ST6GAL1: variants seen among roughly 807,000 people sequenced by gnomAD.
ST6GAL1 encodes the protein ST6 beta-galactoside alpha-2,6-sialyltransferase 1.
ST6GAL1 carries 20 observed loss-of-function variants against 38.0 expected under a neutral mutation model. That is an observed-to-expected ratio of 0.53 (90% CI 0.37 to 0.77). The LOEUF (loss-of-function observed/expected upper bound fraction) is 0.77, where lower values mean the gene tolerates loss of function less well. ST6GAL1 is among the 30% of genes least tolerant of loss of function. The pLI is 0.00. For synonymous variants in ST6GAL1, 196 were observed against 188.2 expected (o/e 1.04, Z -0.34); for missense variants, 432 against 496.4 (o/e 0.87, Z 1.23).
chr3:187,026,092 G>A (rs919717914), intron 2 of ST6GAL1, among the ~76,000 whole-genome samples: 22 of 152,218 alleles, frequency 1.4e-4, no homozygotes, highest in African/African-American at 5.3e-4. Flanking sequence ...CAGGCACTGC[G>A]CGCCCCTCAT....
intron 2 of ST6GAL1, among the ~76,000 whole-genome samples, chr3:186,998,306 A>G (rs1716488690): frequency 6.6e-6 from 1 of 152,262 alleles, no homozygotes; most frequent in Non-Finnish European, 1.5e-5. Context: ...CCTGTTAACC[A>G]GAAGCCTTAC....
chr3:186,940,569 C>T (rs1269439168), intron 1 of ST6GAL1, among the ~76,000 whole-genome samples: 2 of 152,236 alleles, frequency 1.3e-5, no homozygotes, highest in East Asian at 1.9e-4. Flanking sequence ...CGTAAACTTT[C>T]TTTAAAAATT....
At chr3:186,997,038 G>A (rs969226857) in intron 2 of ST6GAL1, among the ~76,000 whole-genome samples, 5 of 151,822 alleles carry the variant, frequency 3.3e-5, no homozygotes, top group Non-Finnish European at 5.9e-5. Flanking sequence ...TGTTGGAGGC[G>A]GGCAGGTGGG....
At chr3:187,041,464 G>A (rs577744830) in intron 3 of ST6GAL1, among the ~76,000 whole-genome samples, 1 of 152,356 alleles carries the variant, frequency 6.6e-6, no homozygotes, top group Non-Finnish European at 1.5e-5. Context: ...CATTATTTGA[G>A]TTCAAAGTGC....
chr3:187,032,004 G>A (rs1579340051), intron 2 of ST6GAL1, among the ~76,000 whole-genome samples: 2 of 152,272 alleles, frequency 1.3e-5, no homozygotes, highest in African/African-American at 4.8e-5. Context: ...TGCCAGGATT[G>A]CTAAAGTTTC....
intron 2 of ST6GAL1, among the ~76,000 whole-genome samples, chr3:186,991,060 C>T (rs531019417): frequency 1.3e-5 from 2 of 152,232 alleles, no homozygotes; most frequent in Admixed American, 6.5e-5. Flanking sequence ...TTCTTTTTCT[C>T]ATGTGGTCAG....
At chr3:186,979,441 G>T (rs1368893636) in intron 2 of ST6GAL1, among the ~76,000 whole-genome samples, 1 of 152,174 alleles carries the variant, frequency 6.6e-6, no homozygotes, top group Admixed American at 6.5e-5. Context: ...CTCTGTGCCT[G>T]ATCTGCTTCC....
intron 2 of ST6GAL1, among the ~76,000 whole-genome samples, chr3:187,008,343 AAGAG>A (rs1359732982): frequency 6.6e-6 from 1 of 151,620 alleles, no homozygotes; most frequent in African/African-American, 2.4e-5. Flanking sequence ...GGACTCAAGA[AAGAG>A]AGAAAGAAAG....
At chr3:186,945,165 G>C (rs1282366569) in intron 1 of ST6GAL1, among the ~76,000 whole-genome samples, 1 of 152,108 alleles carries the variant, frequency 6.6e-6, no homozygotes, top group African/African-American at 2.4e-5. Context: ...ATCATCAGCT[G>C]GGTGTGGTAG....
chr3:186,947,257 G>T (rs1432872504), intron 1 of ST6GAL1, among the ~76,000 whole-genome samples: 1 of 152,192 alleles, frequency 6.6e-6, no homozygotes. Context: ...GGGAACTGAA[G>T]TTAAGGGTGA....
chr3:187,034,207 G>C (rs957361611), intron 2 of ST6GAL1, among the ~76,000 whole-genome samples: 1 of 152,008 alleles, frequency 6.6e-6, no homozygotes, highest in African/African-American at 2.4e-5. Flanking sequence ...ATTGAATCAG[G>C]AAGAAATTGA....
At chr3:187,071,204 T>G (rs1719359133) in intron 5 of ST6GAL1, among the ~76,000 whole-genome samples, 1 of 152,214 alleles carries the variant, frequency 6.6e-6, no homozygotes, top group South Asian at 2.1e-4. Flanking sequence ...CAGTTCTTGA[T>G]TTGATTTCTG....
chr3:187,024,324 A>AC (rs538298754), intron 2 of ST6GAL1, among the ~76,000 whole-genome samples: 1 of 151,482 alleles, frequency 6.6e-6, no homozygotes, highest in African/African-American at 2.4e-5. Context: ...TGATCTCCTG[A>AC]CCTCGTGATC....
At chr3:187,046,028 T>C (rs1361626252) in intron 4 of ST6GAL1, among the ~76,000 whole-genome samples, 1 of 152,170 alleles carries the variant, frequency 6.6e-6, no homozygotes, top group African/African-American at 2.4e-5. Context: ...CTTTAAGCCA[T>C]GGAGAGCCCT....
At chr3:186,983,637 G>T (rs1435885105) in intron 2 of ST6GAL1, among the ~76,000 whole-genome samples, 8 of 152,072 alleles carry the variant, frequency 5.3e-5, no homozygotes, top group African/African-American at 1.9e-4. Context: ...GGATTATAAT[G>T]GTTATTATAT....
chr3:187,036,447 C>T (rs572308867), intron 2 of ST6GAL1, among the ~76,000 whole-genome samples: 2 of 152,186 alleles, frequency 1.3e-5, no homozygotes, highest in Non-Finnish European at 2.9e-5. Context: ...GAGACATGCA[C>T]TTGTGTGTTT....
rs890645216 is a variant in ST6GAL1 at position 187,042,652 on chromosome 3, A to G, written c.-50-2A>G. The G allele has an allele frequency of 6.5e-7, 1 of 1,534,580 alleles. No homozygotes were observed. The highest frequency in any genetic ancestry group is 8.7e-7 in the Non-Finnish European group (1 of 1,146,504). On this transcript the variant is annotated splice_acceptor_variant, in intron 3 of 7. Transcript: ENST00000169298. LOFTEE classifies it low-confidence loss of function (5UTR_SPLICE). ...TGTTTTTCCTTGTCTCACTTTTTTTAGGCTTGTTTTCCTGCTCAGAACAAA... is the reference window on the plus strand; with the variant it reads ...TGTTTTTCCTTGTCTCACTTTTTTTGGGCTTGTTTTCCTGCTCAGAACAAA...
chr3:186,978,311 T>A (rs1715583649), intron 2 of ST6GAL1, among the ~76,000 whole-genome samples: 1 of 152,214 alleles, frequency 6.6e-6, no homozygotes, highest in Non-Finnish European at 1.5e-5. Context: ...AATTTGAACA[T>A]AGTCTATCTA....
chr3:186,949,981 C>T (rs1714521789), intron 1 of ST6GAL1, among the ~76,000 whole-genome samples: 1 of 152,138 alleles, frequency 6.6e-6, no homozygotes, highest in Non-Finnish European at 1.5e-5. Flanking sequence ...TATTGTCCAC[C>T]TGATGGGCCA....
Sources: gnomAD v4.1 joint callset for allele counts (sites outside exome capture counted in the v4.1 genomes callset) on GRCh38, gnomAD v4.1.1 for gene constraint, MANE v1.5 for transcripts, NCBI Gene and HGNC (gene_info 2026-07-23, HGNC 2026-07-21) for gene names.